The following UBE4B variants were observed in gnomAD, a reference collection of about 807,000 sequenced individuals.
UBE4B encodes the protein ubiquitination factor E4B, also known as ubiquitin conjugation factor E4 B.
UBE4B carries 27 observed loss-of-function variants against 148.1 expected under a neutral mutation model. The ratio of observed to expected loss-of-function variants is 0.18; its 90% CI spans 0.13 to 0.25. UBE4B has a LOEUF of 0.25. Ranked by LOEUF, UBE4B falls within the 10% of genes least tolerant of loss-of-function variation. UBE4B has a pLI of 1.00. For missense variants in UBE4B, 1,170 were observed against 1,662.4 expected (o/e 0.70, Z 5.15); for synonymous variants, 596 against 619.3 (o/e 0.96, Z 0.56).
At chr1:10,112,455 A>C (rs1645237466) in intron 7 of UBE4B, among the ~76,000 whole-genome samples, 1 of 152,138 alleles carries the variant, frequency 6.6e-6, no homozygotes, top group African/African-American at 2.4e-5. Context: ...GCTGGAGTGC[A>C]GTGGCGCGAT....
At chr1:10,160,596 G>T in intron 22 of UBE4B, among the ~76,000 whole-genome samples, 1 of 152,226 alleles carries the variant, frequency 6.6e-6, no homozygotes, top group Middle Eastern at 3.4e-3. Flanking sequence ...GTCATCAGCC[G>T]TGCAAGGTGG....
chr1:10,165,019 C>G (rs1461109649), intron 23 of UBE4B, among the ~76,000 whole-genome samples: 1 of 152,118 alleles, frequency 6.6e-6, no homozygotes, highest in Non-Finnish European at 1.5e-5. Flanking sequence ...AACCTGATGT[C>G]CCCCGGTGAA....
At chr1:10,145,101 ATAT>A in intron 18 of UBE4B, 62 bp downstream of exon 18, 2 of 1,352,884 alleles carry the variant, frequency 1.5e-6, no homozygotes, top group Non-Finnish European at 2.1e-6. Context: ...TCCCAACAGA[ATAT>A]ATGCCTTGAG....
chr1:10,066,677 A>G (rs1644393140), intron 1 of UBE4B, among the ~76,000 whole-genome samples: 1 of 152,090 alleles, frequency 6.6e-6, no homozygotes, highest in Non-Finnish European at 1.5e-5. Context: ...AGGCTGAGGC[A>G]GGTAGATAAC....
intron 25 of UBE4B, among the ~76,000 whole-genome samples, chr1:10,175,802 T>G (rs1646420850): frequency 6.6e-6 from 1 of 152,230 alleles, no homozygotes; most frequent in Non-Finnish European, 1.5e-5. Flanking sequence ...AATGTAATGC[T>G]TCATTTTCTT....
intron 2 of UBE4B, among the ~76,000 whole-genome samples, chr1:10,084,571 T>G (rs943199481): frequency 5.9e-5 from 9 of 152,296 alleles, no homozygotes; most frequent in African/African-American, 2.2e-4. Flanking sequence ...ATCTTGTGTT[T>G]CTATCTGTTG....
intron 24 of UBE4B, among the ~76,000 whole-genome samples, chr1:10,169,845 T>G (rs1048949576): frequency 6.6e-6 from 1 of 152,042 alleles, no homozygotes; most frequent in Non-Finnish European, 1.5e-5. Context: ...CGAAACCCCG[T>G]CTCTACTAAA....
intron 5 of UBE4B, 91 bp downstream of exon 5, chr1:10,103,183 A>T (rs917857610): frequency 9.5e-6 from 13 of 1,366,330 alleles, no homozygotes; most frequent in Admixed American, 2.1e-5. Context: ...CATTCACTCC[A>T]TCTTGCTCTT....
chr1:10,072,815 T>G (rs1183078745), intron 2 of UBE4B: 1 of 214,486 alleles, frequency 4.7e-6, no homozygotes, highest in African/African-American at 2.3e-5. Flanking sequence ...GTCTGTGAAC[T>G]TTTCTATCAA....
In UBE4B at chr1:10,173,358, T is replaced by C. The variant is rs1646366120; in HGVS notation, c.3525+2029T>C. ...TTAGCCGGGCGTGGTGGCGGGCGCC[T>C]GTAGTCCCAGCTACTCGGGAGGCTG... On this transcript the variant is annotated intron_variant, in intron 25 of 27. Coordinates refer to ENST00000343090, the MANE Select transcript of UBE4B (RefSeq NM_001105562.3). Among the ~76,000 whole-genome samples, 7 of 151,596 alleles carry C rather than the reference T, an allele frequency of 4.6e-5. No individual in the cohort carries two copies. In the South Asian group the frequency reaches 1.5e-3, roughly 32 times the overall value.
chr1:10,072,484 T>G (rs998805500), intron 2 of UBE4B: 4 of 714,334 alleles, frequency 5.6e-6, no homozygotes, highest in Non-Finnish European at 1.0e-5. Flanking sequence ...GACAAGATGA[T>G]TAAGACTGAA....
At chr1:10,137,897 C>A (rs905290318) in intron 17 of UBE4B, among the ~76,000 whole-genome samples, 1 of 143,530 alleles carries the variant, frequency 7.0e-6, no homozygotes, top group African/African-American at 2.6e-5. Context: ...TCTGTATCTA[C>A]CTTGCTTAAA....
intron 1 of UBE4B, among the ~76,000 whole-genome samples, chr1:10,049,676 A>G (rs1643990616): frequency 6.6e-6 from 1 of 152,118 alleles, no homozygotes; most frequent in African/African-American, 2.4e-5. Flanking sequence ...CAAGGTGGGC[A>G]GATCACTTGA....
Position 10,095,485 on chromosome 1 carries a change from G to C in UBE4B, c.236G>C (p.Ser79Thr). 3.1e-6 allele frequency: 5 copies of C among 1,614,178 alleles called. No homozygotes were observed. Among genetic ancestry groups the C allele is most frequent in the Non-Finnish European group, 4.2e-6 (5 of 1,180,038 alleles). Residue 79 changes from serine (S) to threonine (T), a missense_variant, in exon 3 of 28, where the codon AGT becomes ACT. Transcript: ENST00000343090. ...ASGVAHRSQS[S>T]EGVSSLSSSP... Reference sequence around the variant, plus strand: ...GGAGTAGCCCATCGAAGCCAGAGCAGTGAAGGAGTCAGTTCTCTCAGCAGC... The same window carrying C: ...GGAGTAGCCCATCGAAGCCAGAGCACTGAAGGAGTCAGTTCTCTCAGCAGC...
At chr1:10,040,578 C>G (rs757238394) in intron 1 of UBE4B, among the ~76,000 whole-genome samples, 13 of 151,818 alleles carry the variant, frequency 8.6e-5, no homozygotes, top group Non-Finnish European at 1.6e-4. Context: ...GACCCCCACT[C>G]TGGCCTTGGT....
At chr1:10,108,715 A>G (rs1431783880) in intron 7 of UBE4B, among the ~76,000 whole-genome samples, 1 of 152,220 alleles carries the variant, frequency 6.6e-6, no homozygotes, top group South Asian at 2.1e-4. Flanking sequence ...GCAAGGTTGA[A>G]TATTGATTCA....
chr1:10,110,939 T>C (rs913450163), intron 7 of UBE4B, among the ~76,000 whole-genome samples: 4 of 151,846 alleles, frequency 2.6e-5, no homozygotes, highest in African/African-American at 9.7e-5. Flanking sequence ...GAGGCTGCAG[T>C]GAGTCGTGAT....
chr1:10,091,048 A>G (rs986072277), intron 2 of UBE4B, among the ~76,000 whole-genome samples: 3 of 152,196 alleles, frequency 2.0e-5, no homozygotes, highest in African/African-American at 7.2e-5. Flanking sequence ...ACTGCCGCCT[A>G]GAAGGTTGCT....
chr1:10,076,741 C>CTTTTTTTT (rs61563451), intron 2 of UBE4B, among the ~76,000 whole-genome samples: 2 of 105,864 alleles, frequency 1.9e-5, no homozygotes, highest in Non-Finnish European at 3.7e-5. Flanking sequence ...CAGTCCCAGC[C>CTTTTTTTT]TTTTTTTTTT....
Sources: gnomAD v4.1 joint callset for allele counts (sites outside exome capture counted in the v4.1 genomes callset) on GRCh38, gnomAD v4.1.1 for gene constraint, MANE v1.5 for transcripts, NCBI Gene and HGNC (gene_info 2026-07-23, HGNC 2026-07-21) for gene names.